The following CLVS1 variants were observed in gnomAD, a reference collection of about 807,000 sequenced individuals.
CLVS1 encodes the protein clavesin-1.
CLVS1 carries 10 observed loss-of-function variants against 33.1 expected under a neutral mutation model. The ratio of observed to expected loss-of-function variants is 0.30; its 90% CI spans 0.19 to 0.51. CLVS1 has a LOEUF of 0.51. Among genes scored for constraint, CLVS1 ranks in the 20% least tolerant of loss-of-function variants. The pLI is 0.97. For missense variants in CLVS1, 343 were observed against 433.4 expected, an observed-to-expected ratio of 0.79 and a Z score of 1.85; for synonymous variants, 163 against 166.1, an observed-to-expected ratio of 0.98 and a Z score of 0.14.
intron 2 of CLVS1, among the ~76,000 whole-genome samples, chr8:61,346,670 T>G (rs1003997645): frequency 5.3e-5 from 8 of 152,160 alleles, no homozygotes; most frequent in African/African-American, 9.6e-5. Flanking sequence ...AGATAAAGTA[T>G]TCATTTGACA....
chr8:61,263,657 C>G (rs1046577264), intron 2 of CLVS1, among the ~76,000 whole-genome samples: 2 of 152,104 alleles, frequency 1.3e-5, no homozygotes, highest in Admixed American at 6.6e-5. Context: ...ATGCAGCATA[C>G]TAGGTGTCCT....
intron 2 of CLVS1, among the ~76,000 whole-genome samples, chr8:61,306,463 G>T (rs1810630677): frequency 6.6e-6 from 1 of 152,134 alleles, no homozygotes; most frequent in African/African-American, 2.4e-5. Flanking sequence ...TTACATGCAA[G>T]AATTTTCTCT....
chr8:61,396,585 C>T (rs1814536422), intron 3 of CLVS1, among the ~76,000 whole-genome samples: 2 of 152,110 alleles, frequency 1.3e-5, no homozygotes, highest in Admixed American at 6.5e-5. Context: ...ACAGTTAGTG[C>T]TTTTTGGTAT....
chr8:61,418,606 T>G (rs1340753543), intron 3 of CLVS1, among the ~76,000 whole-genome samples: 1 of 152,212 alleles, frequency 6.6e-6, no homozygotes, highest in Non-Finnish European at 1.5e-5. Context: ...ACCCACAATA[T>G]ATACATTATT....
chr8:61,468,507 T>A (rs1269116077), intron 5 of CLVS1, among the ~76,000 whole-genome samples: 1 of 152,188 alleles, frequency 6.6e-6, no homozygotes, highest in Non-Finnish European at 1.5e-5. Flanking sequence ...ACTGCACATT[T>A]GTCTCTCAGA....
intron 2 of CLVS1, among the ~76,000 whole-genome samples, chr8:61,195,033 A>G (rs1437513130): frequency 1.3e-5 from 2 of 151,958 alleles, no homozygotes; most frequent in Non-Finnish European, 2.9e-5. Context: ...TGAAAATATT[A>G]TATATCAAAA....
chr8:61,206,839 G>A (rs966429749), intron 2 of CLVS1, among the ~76,000 whole-genome samples: 2 of 152,032 alleles, frequency 1.3e-5, no homozygotes, highest in Non-Finnish European at 2.9e-5. Context: ...CACCCGCCTC[G>A]GCCTCCCAAA....
chr8:61,033,934 G>A, the CLVS1 span, among the ~76,000 whole-genome samples: 28 of 152,210 alleles, frequency 1.8e-4, no homozygotes, highest in African/African-American at 5.3e-4. Flanking sequence ...TAGAGACTCC[G>A]GCTTGGTCAT....
chr8:61,260,410 A>G (rs1015905391), intron 2 of CLVS1, among the ~76,000 whole-genome samples: 7 of 152,334 alleles, frequency 4.6e-5, no homozygotes, highest in Admixed American at 3.9e-4. Flanking sequence ...ACATAGTCCA[A>G]AGGAAGGAAC....
At chr8:61,142,124 T>A (rs1177369298) in intron 2 of CLVS1, among the ~76,000 whole-genome samples, 1 of 152,218 alleles carries the variant, frequency 6.6e-6, no homozygotes, top group African/African-American at 2.4e-5. Flanking sequence ...CCAAATCTCA[T>A]GTCAAATTGT....
chr8:61,362,056 C>T (rs1359464605), intron 2 of CLVS1, among the ~76,000 whole-genome samples: 1 of 152,148 alleles, frequency 6.6e-6, no homozygotes, highest in African/African-American at 2.4e-5. Flanking sequence ...TAAGGGGATT[C>T]TCAACAAATT....
At chr8:61,294,823 A>T (rs1810134095) in intron 1 of CLVS1, among the ~76,000 whole-genome samples, 1 of 152,194 alleles carries the variant, frequency 6.6e-6, no homozygotes, top group Middle Eastern at 3.2e-3. Flanking sequence ...CATTTGAATT[A>T]TCATAGTTTT....
chr8:61,198,527 G>A (rs190914302), intron 2 of CLVS1, among the ~76,000 whole-genome samples: 42 of 152,202 alleles, frequency 2.8e-4, no homozygotes, highest in African/African-American at 8.4e-4. Flanking sequence ...CTATAGGTGT[G>A]CACCACCATG....
At chr8:61,323,723 T>C (rs1811279140) in intron 2 of CLVS1, among the ~76,000 whole-genome samples, 1 of 152,064 alleles carries the variant, frequency 6.6e-6, no homozygotes, top group South Asian at 2.1e-4. Flanking sequence ...ACTTGTGTCA[T>C]GGGGGTTTGT....
rs545288285 is a variant in CLVS1 at position 61,415,260 on chromosome 8, G to A, written c.630+38481G>A. 3.7e-3 allele frequency among the ~76,000 whole-genome samples: 566 copies of A among 152,360 alleles called. 6 individuals carry two copies. Among genetic ancestry groups the A allele is most frequent in the Non-Finnish European group, 4.5e-3 (303 of 68,042 alleles). On this transcript the variant is annotated intron_variant, in intron 3 of 5. Coordinates refer to ENST00000325897, the MANE Select transcript of CLVS1 (RefSeq NM_173519.3). Reference sequence around the variant, plus strand: ...ACACTTCCCTGAGGGTAGGAGCAAAGGGGGCAGCCTCTGAGTGGTGGCCCA... The same window carrying A: ...ACACTTCCCTGAGGGTAGGAGCAAAAGGGGCAGCCTCTGAGTGGTGGCCCA...
At chr8:61,410,031 A>G (rs1285329759) in intron 3 of CLVS1, among the ~76,000 whole-genome samples, 1 of 125,406 alleles carries the variant, frequency 8.0e-6, no homozygotes, top group African/African-American at 3.0e-5. Context: ...ATGTTTCTCA[A>G]TTTTCTTTCA....
chr8:61,004,080 C>T, the CLVS1 span, among the ~76,000 whole-genome samples: 116 of 152,302 alleles, frequency 7.6e-4, no homozygotes, highest in Non-Finnish European at 1.3e-3. Context: ...TTCAGACAAA[C>T]GCATAATAAG....
At chr8:61,144,106 T>A (rs1228385672) in intron 2 of CLVS1, among the ~76,000 whole-genome samples, 1 of 151,866 alleles carries the variant, frequency 6.6e-6, no homozygotes, top group Non-Finnish European at 1.5e-5. Flanking sequence ...AACGTGCAGG[T>A]TTGTTACATA....
At chr8:61,194,207 A>G (rs1394896132) in intron 2 of CLVS1, among the ~76,000 whole-genome samples, 1 of 152,126 alleles carries the variant, frequency 6.6e-6, no homozygotes, top group Non-Finnish European at 1.5e-5. Flanking sequence ...CTAATGTACC[A>G]GTAATTCTAT....
Sources: gnomAD v4.1 joint callset for allele counts (sites outside exome capture counted in the v4.1 genomes callset) on GRCh38, gnomAD v4.1.1 for gene constraint, MANE v1.5 for transcripts, NCBI Gene and HGNC (gene_info 2026-07-23, HGNC 2026-07-21) for gene names.